CEP290: variants seen among roughly 807,000 people sequenced by gnomAD.
CEP290 encodes the protein centrosomal protein of 290 kDa.
In CEP290, 317 loss-of-function variants were observed where a neutral mutation model predicts 344.9. The ratio of observed to expected loss-of-function variants is 0.92; its 90% CI spans 0.84 to 1.01. The LOEUF is 1.01. Ranked by LOEUF, CEP290 falls within the 50% of genes least tolerant of loss-of-function variation. The probability of loss-of-function intolerance (pLI) is 0.00; values close to 1 mark genes in which losing one functional copy is unlikely to be tolerated. For synonymous variants in CEP290, 932 were observed against 895.8 expected (o/e 1.04, Z -0.72); for missense variants, 2,754 against 2,761.4 (o/e 1.00, Z 0.06).
At chr12:88,060,325 C>T (rs962097390) in intron 47 of CEP290, among the ~76,000 whole-genome samples, 2 of 152,122 alleles carry the variant, frequency 1.3e-5, no homozygotes, top group Admixed American at 6.5e-5. Flanking sequence ...ACACAGAGGC[C>T]GCAGTGGGCG....
chr12:88,068,720 A>AT (rs2035138255), intron 43 of CEP290, 75 bp from the exon 44 acceptor site: 3 of 1,460,346 alleles, frequency 2.1e-6, no homozygotes, highest in Non-Finnish European at 2.7e-6. Flanking sequence ...AAAATACAAG[A>AT]TAAAAAAAGA....
chr12:88,139,238 A>G, intron 4 of CEP290, 47 bp from the exon 5 acceptor site: 1 of 755,134 alleles, frequency 1.3e-6, no homozygotes, highest in Non-Finnish European at 2.1e-6. Context: ...ATTAGTTACC[A>G]CAAAACAAAC....
rs1188750184 is a variant in CEP290 at position 88,068,604 on chromosome 12, A to G, written c.6053T>C (p.Leu2018Ser). The G allele has an allele frequency of 6.3e-7, 1 of 1,594,482 alleles. No homozygotes were observed. The highest frequency in any genetic ancestry group is 8.5e-7 in the Non-Finnish European group (1 of 1,173,388). The change falls in exon 44 of 54, where the codon TTA (leucine) becomes TCA (serine). Residue 2018 changes from leucine to serine, a missense_variant. Physicochemically the swap from Leu to Ser is moderately radical, Grantham distance 145. Coordinates refer to ENST00000552810, the MANE Select transcript of CEP290 (RefSeq NM_025114.4). ...TTGGAGGTATCTATTTTGTAAATGT[A>G]AATCTTCTACAACAGAATCTCGAGG... Reference protein sequence around the residue: ...ALPRDSVVEDLHLQNRYLQEK... With the variant: ...ALPRDSVVEDSHLQNRYLQEK...
At chr12:88,055,222 T>A (rs2033899978) in intron 50 of CEP290, among the ~76,000 whole-genome samples, 1 of 152,078 alleles carries the variant, frequency 6.6e-6, no homozygotes, top group African/African-American at 2.4e-5. Context: ...GGTGAAATAA[T>A]CCAAGAGTGG....
intron 40 of CEP290, among the ~76,000 whole-genome samples, 156 bp downstream of exon 40, chr12:88,077,541 T>C (rs2035869617): frequency 6.6e-6 from 1 of 151,962 alleles, no homozygotes; most frequent in African/African-American, 2.4e-5. Context: ...TCTAGAACTA[T>C]AAACACAATA....
chr12:88,111,575 T>C (rs1329698367), intron 21 of CEP290, 119 bp downstream of exon 21: 1 of 905,348 alleles, frequency 1.1e-6, no homozygotes, highest in African/African-American at 1.8e-5. Context: ...TTCTTAATAT[T>C]GAAAGAATTA....
intron 39 of CEP290, 40 bp downstream of exon 39, chr12:88,079,052 T>C (rs1357445922): frequency 1.3e-6 from 2 of 1,491,604 alleles, no homozygotes; most frequent in Admixed American, 2.6e-5. Flanking sequence ...CAATAGGAAT[T>C]ATCAGAAATT....
rs11405846 is a variant in CEP290 at position 88,060,817 on chromosome 12, TAA to T, written c.6522+11_6522+12del. The T allele has an allele frequency of 1.8e-5, 25 of 1,418,194 alleles. No homozygotes were observed. The highest frequency in any genetic ancestry group is 2.4e-5 in the Non-Finnish European group (25 of 1,058,776). The allele number at this position is 1,418,194 out of a possible 1,614,324, so 87.9% of individuals were successfully genotyped here. On this transcript the variant is annotated intron_variant, in intron 47 of 53. Coordinates refer to ENST00000552810, the MANE Select transcript of CEP290 (RefSeq NM_025114.4). The stretch of plus-strand genomic sequence containing the variant: ...AATATTCCCCTAAAAATGATCACAT[TAA>T]AAAAAATTACCTTCAATTTTTCATT...
At chr12:88,123,532 G>C (rs2039543797) in intron 13 of CEP290, among the ~76,000 whole-genome samples, 1 of 151,960 alleles carries the variant, frequency 6.6e-6, no homozygotes, top group Non-Finnish European at 1.5e-5. Context: ...GTGGTTTTCA[G>C]GGCTCTCCAT....
chr12:88,061,952 T>G (rs1178771929), intron 46 of CEP290, among the ~76,000 whole-genome samples: 1 of 152,080 alleles, frequency 6.6e-6, no homozygotes, highest in Non-Finnish European at 1.5e-5. Context: ...CTAATTTTCA[T>G]ATTTTTAGTA....
rs769362204 is a variant in CEP290 at position 88,092,713 on chromosome 12, C to T, written c.3429G>A (p.Lys1143=). The change falls in exon 29 of 54, where the codon AAG becomes AAA. Residue 1143 remains lysine, a synonymous_variant. Coordinates refer to ENST00000552810, the MANE Select transcript of CEP290 (RefSeq NM_025114.4). ...ADRQRILELE[K]NEMELKVEVS... ...CTTCAACTTTTAGTTCCATTTCATT[C>T]TTCTCTAATTCTAGAATCCGTTGCC... 7.5e-6 allele frequency: 12 copies of T among 1,609,488 alleles called. No homozygotes were observed. The highest frequency in any genetic ancestry group is 7.6e-6 in the Non-Finnish European group (9 of 1,178,120).
intron 31 of CEP290, among the ~76,000 whole-genome samples, chr12:88,088,198 G>A (rs989909070): frequency 6.6e-6 from 1 of 152,092 alleles, no homozygotes; most frequent in African/African-American, 2.4e-5. Context: ...ACTTTCATTT[G>A]TTATACGTTT....
Position 88,106,985 on chromosome 12 carries a change from G to C in CEP290, c.2586+11C>G. 1 of 1,534,896 alleles carries C rather than the reference G, an allele frequency of 6.5e-7. No individual in the cohort carries two copies. Among genetic ancestry groups the C allele is most frequent in the Middle Eastern group, 1.7e-4 (1 of 5,906 alleles). On this transcript the variant is annotated intron_variant, in intron 24 of 53. Coordinates refer to ENST00000552810, the MANE Select transcript of CEP290 (RefSeq NM_025114.4). ...AATATTGCATACTAATGTTAAAAAT[G>C]TTTTACTTACATTATATTCTTTTAC...
At chr12:88,054,136 G>C (rs1293347356) in intron 51 of CEP290, among the ~76,000 whole-genome samples, 8 of 152,138 alleles carry the variant, frequency 5.3e-5, no homozygotes, top group African/African-American at 1.9e-4. Flanking sequence ...TGGAAACTTA[G>C]AGTTGGGTTT....
In CEP290 at chr12:88,130,517, C is replaced by T. The variant is rs2040002601; in HGVS notation, c.516+28G>A. ...GCTCTCACAACATATTTTAAATTCC[C>T]AAGATTTCACCACACTTAAAGCCTC... is the stretch of plus-strand genomic sequence containing the variant. On this transcript the variant is annotated intron_variant, in intron 8 of 53. Coordinates refer to ENST00000552810, the MANE Select transcript of CEP290 (RefSeq NM_025114.4). The T allele has an allele frequency of 2.5e-6, 4 of 1,593,962 alleles. No individual in the cohort carries two copies. In the East Asian group the frequency reaches 9.0e-5, roughly 36 times the overall value.
chr12:88,136,174 CATAAA>C (rs1565924656), intron 6 of CEP290: 2 of 156,912 alleles, frequency 1.3e-5, no homozygotes, highest in East Asian at 1.9e-4. Flanking sequence ...ATATATCTCA[CATAAA>C]ATAAGGTACA....
chr12:88,062,851 A>G, intron 45 of CEP290, 73 bp from the exon 46 acceptor site: 3 of 911,242 alleles, frequency 3.3e-6, no homozygotes, highest in Non-Finnish European at 5.2e-6. Flanking sequence ...CAAACAATTC[A>G]TAAGAACCAT....
chr12:88,064,691 A>G (rs921730736), intron 44 of CEP290, among the ~76,000 whole-genome samples: 2 of 152,100 alleles, frequency 1.3e-5, no homozygotes, highest in Admixed American at 6.5e-5. Flanking sequence ...AACAGGGAAA[A>G]CATGGACATT....
At chr12:88,133,781 T>G (rs2040210303) in intron 6 of CEP290, among the ~76,000 whole-genome samples, 1 of 152,176 alleles carries the variant, frequency 6.6e-6, no homozygotes, top group South Asian at 2.1e-4. Flanking sequence ...TTTTAGAAGT[T>G]TGCCTATCAT....
Sources: gnomAD v4.1 joint callset for allele counts (sites outside exome capture counted in the v4.1 genomes callset) on GRCh38, gnomAD v4.1.1 for gene constraint, MANE v1.5 for transcripts, NCBI Gene and HGNC (gene_info 2026-07-23, HGNC 2026-07-21) for gene names.